Variants in RUFY2 observed in about 807,000 individuals in gnomAD.
The protein encoded by RUFY2 is RUN and FYVE domain-containing protein 2.
A neutral mutation model predicts 94.4 loss-of-function variants in RUFY2; 49 were observed. The ratio of observed to expected loss-of-function variants is 0.52; its 90% CI spans 0.41 to 0.66. The LOEUF (loss-of-function observed/expected upper bound fraction) is 0.66, where lower values mean the gene tolerates loss of function less well. Ranked by LOEUF, RUFY2 falls within the 30% of genes least tolerant of loss-of-function variation. The pLI is 0.00. For missense variants in RUFY2, 541 were observed against 692.8 expected, an observed-to-expected ratio of 0.78 and a Z score of 2.46; for synonymous variants, 255 against 235.7, an observed-to-expected ratio of 1.08 and a Z score of -0.75.
intron 3 of RUFY2, among the ~76,000 whole-genome samples, chr10:68,400,313 G>C (rs999431569): frequency 1.3e-5 from 2 of 151,214 alleles, no homozygotes; most frequent in Non-Finnish European, 2.9e-5. Flanking sequence ...GAGACTGTCC[G>C]TCTCAAAATA....
At chr10:68,400,929 G>C (rs992296614) in intron 3 of RUFY2, among the ~76,000 whole-genome samples, 2 of 151,794 alleles carry the variant, frequency 1.3e-5, no homozygotes, top group African/African-American at 2.4e-5. Flanking sequence ...AGGAGAATGG[G>C]GTGAACCCGG....
intron 16 of RUFY2, 64 bp from the exon 17 acceptor site, chr10:68,346,148 TCCC>T (rs1274211917): frequency 3.2e-6 from 4 of 1,246,814 alleles, no homozygotes; most frequent in Admixed American, 4.5e-5. Flanking sequence ...GAAAACTTTT[TCCC>T]CCAAGAACAT....
chr10:68,393,213 G>GA lies in RUFY2; in HGVS notation c.585-11dup. 1 of 1,494,334 alleles carries GA rather than the reference G, an allele frequency of 6.7e-7. No individual in the cohort carries two copies. The allele number at this position is 1,494,334 out of a possible 1,614,324, so 92.6% of individuals were successfully genotyped here. On this transcript the variant is annotated splice_polypyrimidine_tract_variant and intron_variant, in intron 6 of 17. Coordinates refer to ENST00000602465, the MANE Select transcript of RUFY2 (RefSeq NM_001330103.2). ...AGCAATTTGAACATTCCTAAATGAGGAAAAAAGTAGCTTTGTGCTAGTTGA... is the reference window on the plus strand; with the variant it reads ...AGCAATTTGAACATTCCTAAATGAGGAAAAAAAGTAGCTTTGTGCTAGTTGA...
downstream of RUFY2, chr10:68,342,042 T>A (rs1387864214): frequency 6.2e-6 from 10 of 1,613,110 alleles, no homozygotes; most frequent in Non-Finnish European, 8.5e-6. Context: ...GTGGATGGCG[T>A]GGGATGTACT....
chr10:68,369,529 C>A (rs1053385764), intron 13 of RUFY2, among the ~76,000 whole-genome samples: 1 of 151,120 alleles, frequency 6.6e-6, no homozygotes, highest in African/African-American at 2.4e-5. Context: ...CCAGGCGAGG[C>A]CTTTAAGAGG....
At chr10:68,371,668 A>G (rs1224534487) in intron 13 of RUFY2, among the ~76,000 whole-genome samples, 1 of 152,166 alleles carries the variant, frequency 6.6e-6, no homozygotes, top group African/African-American at 2.4e-5. Context: ...CTAAAAAAAA[A>G]TCTGAAAAAG....
At chr10:68,353,150 T>C (rs955695608) in intron 16 of RUFY2, among the ~76,000 whole-genome samples, 8 of 151,474 alleles carry the variant, frequency 5.3e-5, no homozygotes, top group East Asian at 2.0e-4. Context: ...CTGGCCAACA[T>C]GGCGAAACCA....
intron 2 of RUFY2, 117 bp downstream of exon 2, chr10:68,404,554 C>G: frequency 1.8e-6 from 1 of 544,380 alleles, no homozygotes; most frequent in Non-Finnish European, 2.9e-6. Flanking sequence ...AATCAATCCA[C>G]TCAATATTTT....
intron 15 of RUFY2, among the ~76,000 whole-genome samples, chr10:68,358,628 T>G (rs949329810): frequency 1.3e-4 from 20 of 152,156 alleles, no homozygotes; most frequent in African/African-American, 4.6e-4. Flanking sequence ...AATATTTTCT[T>G]GGCTGGGCAC....
intron 17 of RUFY2, 40 bp downstream of exon 17, chr10:68,345,967 T>C (rs763855927): frequency 1.2e-6 from 2 of 1,612,382 alleles, no homozygotes; most frequent in Non-Finnish European, 1.7e-6. Context: ...TTAGCATTTT[T>C]GCACTCCAAA....
In RUFY2 at chr10:68,343,803, C is replaced by A. The variant is rs1319625392; in HGVS notation, c.*1965G>T. The A allele has an allele frequency of 1.7e-5, 2 of 120,828 alleles. No individual in the cohort carries two copies. Among genetic ancestry groups the A allele is most frequent in the African/African-American group, 3.4e-5 (1 of 29,374 alleles). 7.5% of individuals were successfully genotyped at this position (120,828 alleles called of 1,614,324 possible). A position where few individuals can be genotyped will look rare whatever the true frequency, so the allele number is the denominator to read the frequency against. ...ATGGAGCAAGTTGCTGTCATAAAAG[C>A]TGCCTAAAAAAAAAAAAAAAAAAAA... On this transcript the variant is annotated 3_prime_UTR_variant, in exon 18 of 18. Coordinates refer to ENST00000602465, the MANE Select transcript of RUFY2 (RefSeq NM_001330103.2).
intron 10 of RUFY2, among the ~76,000 whole-genome samples, chr10:68,382,601 C>T (rs989639735): frequency 2.7e-5 from 4 of 150,642 alleles, no homozygotes; most frequent in Non-Finnish European, 5.9e-5. Flanking sequence ...ATAGTCCCAG[C>T]TACTCGGGAG....
Position 68,404,825 on chromosome 10 carries a change from A to C in RUFY2, c.24T>G (p.Ala8=). The C allele has an allele frequency of 1.3e-6, 2 of 1,576,414 alleles. No individual in the cohort carries two copies. Among genetic ancestry groups the C allele is most frequent in the Non-Finnish European group, 8.6e-7 (1 of 1,162,954 alleles). ...TGTTTAACAAGTTTGCTCTCTCTACAGCTGTGGGGTCTTTTGTAGCTGAAA... is the reference window on the plus strand; with the variant it reads ...TGTTTAACAAGTTTGCTCTCTCTACCGCTGTGGGGTCTTTTGTAGCTGAAA... The part of the protein sequence containing the change: MATKDPT[A]VERANLLNMA... The change falls in exon 2 of 18, where the codon GCT becomes GCG. Residue 8 remains alanine, a synonymous_variant. Transcript: ENST00000602465.
At chr10:68,390,984 G>A (rs2133013241) in intron 7 of RUFY2, among the ~76,000 whole-genome samples, 1 of 149,408 alleles carries the variant, frequency 6.7e-6, no homozygotes, top group South Asian at 2.1e-4. Flanking sequence ...GCCCAGGCTG[G>A]AGTGCAATGG....
At position 68,367,863 on chromosome 10, in the gene RUFY2, G is replaced by C. The variant is rs114687895; in HGVS notation, c.1326-3750C>G. 9.7e-3 allele frequency among the ~76,000 whole-genome samples: 1,476 copies of C among 151,746 alleles called. 33 individuals are homozygous for C. Among genetic ancestry groups the C allele is most frequent in the African/African-American group, 0.034 (1,419 of 41,416 alleles). ...AATCCTCTCACCTTAGCCTCCTAAA[G>C]TGCTGGGATTACAACCATGTGCCAC... On this transcript the variant is annotated intron_variant, in intron 13 of 17. Transcript: ENST00000602465.
chr10:68,407,137 C>T (rs2051390956), intron 1 of RUFY2, 49 bp downstream of exon 1: 1 of 1,508,280 alleles, frequency 6.6e-7, no homozygotes, highest in Admixed American at 2.2e-5. Context: ...CCGCGGCCCT[C>T]AGCCCGGGAC....
intron 7 of RUFY2, among the ~76,000 whole-genome samples, chr10:68,391,324 T>A (rs1396629403): frequency 6.6e-6 from 1 of 152,072 alleles, no homozygotes; most frequent in Non-Finnish European, 1.5e-5. Context: ...GGGTTTTTTT[T>A]ACATTTTTAT....
chr10:68,361,057 A>T (rs754577068), intron 15 of RUFY2, among the ~76,000 whole-genome samples: 1 of 152,072 alleles, frequency 6.6e-6, no homozygotes, highest in Non-Finnish European at 1.5e-5. Context: ...CAAGGCAGGC[A>T]GATCACCTGA....
At chr10:68,352,429 CA>C (rs2046745713) in intron 16 of RUFY2, among the ~76,000 whole-genome samples, 1 of 152,136 alleles carries the variant, frequency 6.6e-6, no homozygotes, top group African/African-American at 2.4e-5. Context: ...AGAATACCAG[CA>C]AAGGGAAACA....
Sources: gnomAD v4.1 joint callset for allele counts (sites outside exome capture counted in the v4.1 genomes callset) on GRCh38, gnomAD v4.1.1 for gene constraint, MANE v1.5 for transcripts, NCBI Gene and HGNC (gene_info 2026-07-23, HGNC 2026-07-21) for gene names.